KIF13B: variants seen among roughly 807,000 people sequenced by gnomAD.
The protein encoded by KIF13B is kinesin-like protein KIF13B.
Under a neutral mutation model 222.0 loss-of-function variants are expected in KIF13B, and 127 were observed. The ratio of observed to expected loss-of-function variants is 0.57; its 90% CI spans 0.50 to 0.66. The LOEUF (loss-of-function observed/expected upper bound fraction) is 0.66. Among genes scored for constraint, KIF13B ranks in the 30% least tolerant of loss-of-function variants. The pLI is 0.00. For synonymous variants in KIF13B, 976 were observed against 919.0 expected, an observed-to-expected ratio of 1.06 and a Z score of -1.12; for missense variants, 2,173 against 2,379.0, an observed-to-expected ratio of 0.91 and a Z score of 1.80.
intron 1 of KIF13B, among the ~76,000 whole-genome samples, chr8:29,261,276 T>A (rs150652354): frequency 6.6e-6 from 1 of 152,328 alleles, no homozygotes; most frequent in Non-Finnish European, 1.5e-5. Context: ...ATTCTTTGCC[T>A]TCCTCTAAAC....
intron 10 of KIF13B, among the ~76,000 whole-genome samples, chr8:29,168,617 GAA>G (rs1381387399): frequency 6.6e-6 from 1 of 152,170 alleles, no homozygotes; most frequent in Non-Finnish European, 1.5e-5. Flanking sequence ...GTGGCCCTAC[GAA>G]GAGAGGCCCA....
chr8:29,259,374 T>C (rs755616246), intron 1 of KIF13B, among the ~76,000 whole-genome samples: 58 of 152,250 alleles, frequency 3.8e-4, no homozygotes, highest in Non-Finnish European at 1.2e-4. Context: ...TTTCACTGTT[T>C]CTATCTTCAT....
At chr8:29,223,248 A>C (rs1359900753) in intron 2 of KIF13B, among the ~76,000 whole-genome samples, 2 of 144,318 alleles carry the variant, frequency 1.4e-5, no homozygotes, top group Non-Finnish European at 3.0e-5. Flanking sequence ...AGGCGGGAGG[A>C]TTGCTTGAGC....
At chr8:29,174,422 G>A (rs1054436664) in intron 10 of KIF13B, among the ~76,000 whole-genome samples, 25 of 152,262 alleles carry the variant, frequency 1.6e-4, no homozygotes, top group African/African-American at 6.0e-4. Flanking sequence ...GTTTGAGACA[G>A]GAAAGAAAAG....
intron 1 of KIF13B, among the ~76,000 whole-genome samples, chr8:29,246,547 C>G (rs1449736126): frequency 3.3e-5 from 5 of 151,946 alleles, no homozygotes; most frequent in Non-Finnish European, 7.4e-5. Flanking sequence ...AATTGATCTA[C>G]AAGATTCAAG....
rs1209540583 is a variant in KIF13B, at chr8:29,109,525, AACAT to A, written c.4084-18_4084-15del. On this transcript the variant is annotated splice_polypyrimidine_tract_variant and intron_variant, in intron 33 of 39. Transcript: ENST00000524189. ...CACTGCAACTTCCTGTGAATCAGAA[AACAT>A]ACAGAGGAAAAAGACATGTAAGAGA... The A allele has an allele frequency of 6.2e-7, 1 of 1,610,308 alleles. No homozygotes were observed. The highest frequency in any genetic ancestry group is 8.5e-7 in the Non-Finnish European group (1 of 1,176,524).
chr8:29,177,726 A>C (rs1396753167), intron 8 of KIF13B, 148 bp from the exon 9 acceptor site: 3 of 630,046 alleles, frequency 4.8e-6, no homozygotes, highest in Non-Finnish European at 5.7e-6. Context: ...ACACAGCAAA[A>C]TCCTGTCTCC....
In KIF13B at chr8:29,092,916, A is replaced by T. The variant is rs764054108; in HGVS notation, c.4325-38T>A. On this transcript the variant is annotated intron_variant, in intron 36 of 39. Transcript: ENST00000524189. The stretch of plus-strand genomic sequence containing the variant: ...CAGGGGAAAAAGATAAAACAAATAC[A>T]ATTACATAGACATCTTCTTTCCTGT... 1.9e-5 allele frequency: 30 copies of T among 1,548,702 alleles called. 1 individual carries two copies. The South Asian group carries it at 3.5e-4, about 18-fold the overall frequency.
At chr8:29,154,249 G>T (rs548234582) in intron 14 of KIF13B, among the ~76,000 whole-genome samples, 3 of 152,194 alleles carry the variant, frequency 2.0e-5, no homozygotes, top group Non-Finnish European at 2.9e-5. Context: ...CTCAGAACTT[G>T]GAGGCTGCAG....
In KIF13B at chr8:29,070,746, C is replaced by A. The variant is rs755997303; in HGVS notation, c.5239G>T (p.Gly1747Cys). Residue 1747 changes from glycine (G) to cysteine (C), a missense_variant, in exon 40 of 40, where the codon GGC becomes TGC. Coordinates refer to ENST00000524189, the MANE Select transcript of KIF13B (RefSeq NM_015254.4). This position sits in a 1 kb window ranked among gnomAD's most constrained non-coding sequence, Gnocchi z 4.1. ...TTACACCTGAAGTACTGCTTCCCGC[C>A]GATGGAACCGTCATTCTTACCTGCG... ...LPSGKNDGSI[G>C]GKQYFRCNPG... The A allele has an allele frequency of 1.3e-6, 2 of 1,586,040 alleles. No individual in the cohort carries two copies. The highest frequency in any genetic ancestry group is 2.3e-5 in the East Asian group (1 of 43,422).
chr8:29,178,688 G>A (rs1322698850), intron 8 of KIF13B, among the ~76,000 whole-genome samples: 1 of 140,450 alleles, frequency 7.1e-6, no homozygotes, highest in Non-Finnish European at 1.6e-5. Flanking sequence ...TATGTTTTTT[G>A]TTTTATGCTG....
intron 2 of KIF13B, among the ~76,000 whole-genome samples, chr8:29,211,468 G>C (rs1045554036): frequency 3.9e-5 from 2 of 51,698 alleles, no homozygotes; most frequent in Non-Finnish European, 9.9e-5. Context: ...CTGGTGGCCA[G>C]AACTGAGTTG....
At chr8:29,194,442 A>G (rs1278936065) in intron 3 of KIF13B, among the ~76,000 whole-genome samples, 2 of 152,150 alleles carry the variant, frequency 1.3e-5, no homozygotes, top group Non-Finnish European at 2.9e-5. Flanking sequence ...CTGAGGAAGA[A>G]AAAAGGTAAG....
chr8:29,159,580 C>T (rs1003137168), intron 13 of KIF13B, among the ~76,000 whole-genome samples: 2 of 152,166 alleles, frequency 1.3e-5, no homozygotes, highest in Admixed American at 1.3e-4. Context: ...ACTTCTGTAT[C>T]TCCAACCCTC....
chr8:29,173,804 T>C (rs1346994677), intron 10 of KIF13B, among the ~76,000 whole-genome samples: 1 of 151,650 alleles, frequency 6.6e-6, no homozygotes, highest in Non-Finnish European at 1.5e-5. Context: ...ATTAGCCAGG[T>C]GTGGCGGTGC....
intron 2 of KIF13B, among the ~76,000 whole-genome samples, chr8:29,203,503 C>T (rs1813790512): frequency 6.6e-6 from 1 of 152,192 alleles, no homozygotes; most frequent in East Asian, 1.9e-4. Flanking sequence ...CACCACCATC[C>T]TCTGTCTCTA....
rs1160853372 is a variant in KIF13B at position 29,068,777 on chromosome 8, AAAAG to A, written c.*1723_*1726del. ...AAACTTCTCAGTGAAACAGGTTTTA[AAAAG>A]AAAGCCGCTGTGCTGGGAAGCGGGT... On this transcript the variant is annotated 3_prime_UTR_variant, in exon 40 of 40. Transcript: ENST00000524189. The surrounding 1 kb of genome is among the most constrained non-coding windows in gnomAD (Gnocchi z 4.4). 1.3e-5 allele frequency: 2 copies of A among 152,378 alleles called. No individual in the cohort carries two copies. The highest frequency in any genetic ancestry group is 2.9e-5 in the Non-Finnish European group (2 of 68,154). The allele number at this position is 152,378 out of a possible 1,614,324, so 9.4% of individuals were successfully genotyped here.
At chr8:29,197,144 C>T (rs578052750) in intron 2 of KIF13B, among the ~76,000 whole-genome samples, 14 of 151,198 alleles carry the variant, frequency 9.3e-5, no homozygotes, top group East Asian at 5.8e-4. Flanking sequence ...GAGACCATCC[C>T]GGCTAAAACG....
chr8:29,203,880 G>A (rs1457941902), intron 2 of KIF13B, among the ~76,000 whole-genome samples: 1 of 132,166 alleles, frequency 7.6e-6, no homozygotes, highest in Non-Finnish European at 1.6e-5. Context: ...GGTGACAGAG[G>A]GAGTTCCGTC....
Sources: gnomAD v4.1 joint callset for allele counts (sites outside exome capture counted in the v4.1 genomes callset) on GRCh38, gnomAD v4.1.1 for gene constraint, Gnocchi (gnomAD v3.1) non-coding constraint, MANE v1.5 for transcripts, NCBI Gene and HGNC (gene_info 2026-07-23, HGNC 2026-07-21) for gene names.